The following ARHGAP10 variants were observed in gnomAD, a reference collection of about 807,000 sequenced individuals.
ARHGAP10 encodes Rho GTPase activating protein 10, also known as rho GTPase-activating protein 10.
In ARHGAP10, 87 loss-of-function variants were observed where a neutral mutation model predicts 108.6. The observed-to-expected ratio is 0.80, with a 90% CI of 0.67 to 0.96. The LOEUF (loss-of-function observed/expected upper bound fraction) is 0.96, where lower values mean the gene tolerates loss of function less well. Among genes scored for constraint, ARHGAP10 ranks in the 40% least tolerant of loss-of-function variants. The pLI is 0.00. For missense variants in ARHGAP10, 939 were observed against 954.5 expected, an observed-to-expected ratio of 0.98 and a Z score of 0.21; for synonymous variants, 347 against 341.1, an observed-to-expected ratio of 1.02 and a Z score of -0.19.
chr4:147,839,118 A>ATCTGTCTGTCTG (rs1415889321), intron 3 of ARHGAP10, among the ~76,000 whole-genome samples: 12 of 146,896 alleles, frequency 8.2e-5, no homozygotes, highest in African/African-American at 3.0e-4. Context: ...CTATCTATCT[A>ATCTGTCTGTCTG]TCTATCTATC....
chr4:148,055,779 G>A (rs538644392), intron 20 of ARHGAP10, among the ~76,000 whole-genome samples: 20 of 152,302 alleles, frequency 1.3e-4, no homozygotes, highest in Non-Finnish European at 7.3e-5. Context: ...GCTCCCTGCT[G>A]CTTGAGAGAT....
At chr4:147,837,643 G>GTTTTTTTTTTTTTCTTTTT (rs1733223982) in intron 3 of ARHGAP10, among the ~76,000 whole-genome samples, 1 of 70,220 alleles carries the variant, frequency 1.4e-5, no homozygotes. Flanking sequence ...TCTGGTCACT[G>GTTTTTTTTTTTTTCTTTTT]TTTTTTTTTT....
chr4:147,897,596 C>T (rs1047045166), intron 10 of ARHGAP10, among the ~76,000 whole-genome samples: 2 of 152,030 alleles, frequency 1.3e-5, no homozygotes, highest in African/African-American at 2.4e-5. Flanking sequence ...TAATATCTGC[C>T]TTCTCAAAAA....
At chr4:148,070,791 T>C (rs147817597) in intron 22 of ARHGAP10, among the ~76,000 whole-genome samples, 1 of 152,308 alleles carries the variant, frequency 6.6e-6, no homozygotes, top group African/African-American at 2.4e-5. Context: ...GAGTAGCTCA[T>C]GCCTCCCCTT....
At chr4:147,887,713 T>C (rs1269950613) in intron 10 of ARHGAP10, among the ~76,000 whole-genome samples, 1 of 151,790 alleles carries the variant, frequency 6.6e-6, no homozygotes. Flanking sequence ...AATACAAAAA[T>C]TAGCCGGGTG....
intron 1 of ARHGAP10, among the ~76,000 whole-genome samples, chr4:147,777,009 G>T (rs181974118): frequency 5.0e-4 from 76 of 152,292 alleles, no homozygotes; most frequent in African/African-American, 1.8e-3. Flanking sequence ...ATTCATCACT[G>T]ATCTGAGCAA....
intron 12 of ARHGAP10, among the ~76,000 whole-genome samples, chr4:147,912,155 T>TTGTAG (rs1345806653): frequency 1.3e-5 from 2 of 152,074 alleles, no homozygotes; most frequent in Non-Finnish European, 2.9e-5. Flanking sequence ...TTAAAATGAA[T>TTGTAG]TGTAGTTATT....
chr4:147,811,248 T>A (rs966402036), intron 1 of ARHGAP10, among the ~76,000 whole-genome samples: 2 of 152,246 alleles, frequency 1.3e-5, no homozygotes, highest in African/African-American at 2.4e-5. Context: ...TGTCCTCTTG[T>A]GAGAATTCTC....
chr4:147,787,378 A>T (rs1035039449), intron 1 of ARHGAP10, among the ~76,000 whole-genome samples: 1 of 152,112 alleles, frequency 6.6e-6, no homozygotes, highest in Non-Finnish European at 1.5e-5. Flanking sequence ...TGAACACAAC[A>T]TCAGCAGGGG....
chr4:147,946,772 A>G (rs1019126194), intron 15 of ARHGAP10, 68 bp downstream of exon 15: 33 of 1,207,916 alleles, frequency 2.7e-5, no homozygotes, highest in Middle Eastern at 2.0e-4. Flanking sequence ...ACAGATGCCA[A>G]TTGTGTACAT....
At chr4:147,760,417 A>G (rs371037189) in intron 1 of ARHGAP10, among the ~76,000 whole-genome samples, 7 of 152,212 alleles carry the variant, frequency 4.6e-5, no homozygotes, top group Non-Finnish European at 1.0e-4. Flanking sequence ...CAGGGTTTGA[A>G]TCCAGCAGCT....
intron 18 of ARHGAP10, among the ~76,000 whole-genome samples, chr4:148,009,888 C>T (rs750326408): frequency 5.3e-5 from 8 of 152,174 alleles, no homozygotes; most frequent in Admixed American, 3.3e-4. Flanking sequence ...TGACTTTATT[C>T]AGAACGTTGT....
chr4:148,041,926 C>G, intron 19 of ARHGAP10, among the ~76,000 whole-genome samples: 1 of 152,236 alleles, frequency 6.6e-6, no homozygotes, highest in Non-Finnish European at 1.5e-5. Context: ...TTTTACTTTT[C>G]CGCATCTTCT....
At chr4:147,866,258 C>T (rs1734554920) in intron 6 of ARHGAP10, 2 of 153,156 alleles carry the variant, frequency 1.3e-5, no homozygotes, top group African/African-American at 4.8e-5. Flanking sequence ...TGAGGCTGCC[C>T]CTGGCAAGTC....
chr4:148,055,008 G>A (rs2149685221), intron 20 of ARHGAP10, among the ~76,000 whole-genome samples: 1 of 152,296 alleles, frequency 6.6e-6, no homozygotes. Context: ...CTAATTTTCT[G>A]AAATGAAGTT....
rs190221210 is a variant in ARHGAP10 at position 147,902,564 on chromosome 4, A to G, written c.1035-4074A>G. 2.0e-5 allele frequency among the ~76,000 whole-genome samples: 3 copies of G among 152,216 alleles called. No individual in the cohort carries two copies. In the East Asian group the frequency reaches 5.8e-4, roughly 29 times the overall value. Reference sequence around the variant, plus strand: ...GAGACCAGCCTGGCCAACATGGAGAAGCCCTGTCTCTACTAAAAATAGAAA... The same window carrying G: ...GAGACCAGCCTGGCCAACATGGAGAGGCCCTGTCTCTACTAAAAATAGAAA... On this transcript the variant is annotated intron_variant, in intron 10 of 22. Coordinates refer to ENST00000336498, the MANE Select transcript of ARHGAP10 (RefSeq NM_024605.4).
At chr4:148,013,316 A>C (rs1741234026) in intron 18 of ARHGAP10, among the ~76,000 whole-genome samples, 1 of 152,218 alleles carries the variant, frequency 6.6e-6, no homozygotes, top group Admixed American at 6.5e-5. Flanking sequence ...TCTGATAAAT[A>C]CATATACCTG....
intron 1 of ARHGAP10, among the ~76,000 whole-genome samples, chr4:147,788,222 G>A (rs886247761): frequency 4.6e-5 from 7 of 152,062 alleles, no homozygotes; most frequent in Non-Finnish European, 5.9e-5. Flanking sequence ...CTAGGTGGAT[G>A]GATCACGAGG....
At chr4:147,864,615 C>A in intron 5 of ARHGAP10, 1 of 405,432 alleles carries the variant, frequency 2.5e-6, no homozygotes, top group Non-Finnish European at 4.4e-6. Context: ...ATATTTTAGA[C>A]TTCTGTGGAC....
Sources: gnomAD v4.1 joint callset for allele counts (sites outside exome capture counted in the v4.1 genomes callset) on GRCh38, gnomAD v4.1.1 for gene constraint, MANE v1.5 for transcripts, NCBI Gene and HGNC (gene_info 2026-07-23, HGNC 2026-07-21) for gene names.